The following RYR2 variants were observed in gnomAD, a reference collection of about 807,000 sequenced individuals.
The protein encoded by RYR2 is ryanodine receptor 2, also known as cardiac muscle ryanodine receptor-calcium release channel.
In RYR2, 227 loss-of-function variants were observed where a neutral mutation model predicts 601.1. That is an observed-to-expected ratio of 0.38 (90% CI 0.34 to 0.42). The LOEUF (loss-of-function observed/expected upper bound fraction) is 0.42, where lower values mean the gene tolerates loss of function less well. RYR2 is among the 10% of genes least tolerant of loss of function. The pLI is 1.00. For missense variants in RYR2, 4,646 were observed against 6,156.5 expected (o/e 0.75, Z 8.21); for synonymous variants, 2,223 against 2,175.1 (o/e 1.02, Z -0.61).
At chr1:237,182,164 C>G (rs147686601) in intron 1 of RYR2, among the ~76,000 whole-genome samples, 6,282 of 151,832 alleles carry the variant, frequency 0.041, 423 homozygotes, top group African/African-American at 0.14. Context: ...CTCTATTGCC[C>G]AGGCTGGAGT....
chr1:237,281,689 C>T (rs1039742628), intron 2 of RYR2, among the ~76,000 whole-genome samples: 7 of 152,222 alleles, frequency 4.6e-5, no homozygotes, highest in African/African-American at 1.7e-4. Context: ...CATTGGTAGG[C>T]AGTAAGCTGG....
Position 237,496,655 on chromosome 1 carries a change from A to T in RYR2, c.2106A>T (p.Gly702=), listed in dbSNP as rs774473013. The T allele has an allele frequency of 6.8e-6, 11 of 1,613,966 alleles. No individual in the cohort carries two copies. In the South Asian group the frequency reaches 1.2e-4, roughly 18 times the overall value. The part of the protein sequence containing the change: ...HLRVGWASTE[G]YSPYPGGGEE... ...GAGTGGGCTGGGCTTCCACTGAAGG[A>T]TATTCTCCCTACCCTGGAGGGGGCG... Residue 702 remains glycine, a synonymous_variant, in exon 20 of 105, where the codon GGA becomes GGT. Coordinates refer to ENST00000366574, the MANE Select transcript of RYR2 (RefSeq NM_001035.3).
At chr1:237,546,989 A>ATTTATT (rs142758030) in intron 25 of RYR2, among the ~76,000 whole-genome samples, 6,009 of 132,852 alleles carry the variant, frequency 0.045, 255 homozygotes, top group East Asian at 0.096. Flanking sequence ...ATATATATAT[A>ATTTATT]TATATATTTA....
chr1:237,100,011 G>A (rs779808374), intron 1 of RYR2, among the ~76,000 whole-genome samples: 6 of 152,184 alleles, frequency 3.9e-5, no homozygotes, highest in Non-Finnish European at 8.8e-5. Flanking sequence ...CTCAGCTCCT[G>A]GGGCTAAGGT....
chr1:237,220,191 T>C (rs1683657952), intron 1 of RYR2, among the ~76,000 whole-genome samples: 1 of 152,180 alleles, frequency 6.6e-6, no homozygotes, highest in Non-Finnish European at 1.5e-5. Flanking sequence ...TCAATGTGCA[T>C]GGTGGGCACC....
chr1:237,832,651 C>A lies in RYR2; in HGVS notation c.*4C>A. 6.3e-7 allele frequency: 1 copy of A among 1,592,690 alleles called. No individual in the cohort carries two copies. The highest frequency in any genetic ancestry group is 8.6e-7 in the Non-Finnish European group (1 of 1,162,070). On this transcript the variant is annotated 3_prime_UTR_variant, in exon 105 of 105. Coordinates refer to ENST00000366574, the MANE Select transcript of RYR2 (RefSeq NM_001035.3). ...GTATGAAGACCAGCTAAATTAAACT[C>A]AGACCCAATCACCTCTAAAAACCAA...
At chr1:237,178,282 T>A (rs1678280801) in intron 1 of RYR2, among the ~76,000 whole-genome samples, 5 of 152,348 alleles carry the variant, frequency 3.3e-5, no homozygotes, top group African/African-American at 1.2e-4. Context: ...CTCTAATTTT[T>A]GGCTTGTCTT....
chr1:237,532,325 CATAA>C (rs958424135), intron 25 of RYR2, among the ~76,000 whole-genome samples: 2 of 152,016 alleles, frequency 1.3e-5, no homozygotes, highest in Admixed American at 1.3e-4. Flanking sequence ...TCTTCGTTCA[CATAA>C]ATAATTTTTG....
At chr1:237,045,625 T>A (rs764628687) in intron 1 of RYR2, among the ~76,000 whole-genome samples, 10 of 152,198 alleles carry the variant, frequency 6.6e-5, no homozygotes, top group Non-Finnish European at 1.5e-4. Context: ...AAATAAGCTG[T>A]CAGCTTGTAA....
chr1:237,269,837 C>T (rs775057744), intron 1 of RYR2, among the ~76,000 whole-genome samples: 4 of 152,290 alleles, frequency 2.6e-5, no homozygotes, highest in East Asian at 1.9e-4. Flanking sequence ...TTCTAATTTT[C>T]GTCTTTCCCC....
chr1:237,506,119 CCCATAT>C (rs1479284083), intron 22 of RYR2, among the ~76,000 whole-genome samples: 3 of 151,496 alleles, frequency 2.0e-5, no homozygotes, highest in Non-Finnish European at 4.4e-5. Context: ...TGGTAGTAGC[CCCATAT>C]CCATTAAACA....
intron 24 of RYR2, among the ~76,000 whole-genome samples, chr1:237,523,759 G>A (rs556422098): frequency 6.7e-6 from 1 of 149,698 alleles, no homozygotes; most frequent in East Asian, 2.0e-4. Context: ...GGCAAAAATT[G>A]GCAAAATACT....
intron 100 of RYR2, among the ~76,000 whole-genome samples, chr1:237,809,905 GA>G (rs1032863496): frequency 6.6e-6 from 1 of 152,116 alleles, no homozygotes; most frequent in African/African-American, 2.4e-5. Flanking sequence ...AAGATCTTTT[GA>G]AGTAATGAAA....
At chr1:237,590,206 C>CTTTTTTTTTTTTT (rs11307093) in intron 30 of RYR2, among the ~76,000 whole-genome samples, 1 of 147,608 alleles carries the variant, frequency 6.8e-6, no homozygotes, top group African/African-American at 2.5e-5. Flanking sequence ...GCTTTCAATT[C>CTTTTTTTTTTTTT]TTTTTTTTTT....
chr1:237,596,603 T>C (rs909683349), intron 34 of RYR2, among the ~76,000 whole-genome samples: 1 of 140,032 alleles, frequency 7.1e-6, no homozygotes, highest in African/African-American at 2.4e-5. Context: ...TTTAACAAAA[T>C]AATGACTAAT....
chr1:237,664,182 A>T (rs1040838966), intron 56 of RYR2, among the ~76,000 whole-genome samples: 1 of 152,232 alleles, frequency 6.6e-6, no homozygotes, highest in Non-Finnish European at 1.5e-5. Flanking sequence ...CGGAAGGGGA[A>T]TGGAGATTAG....
chr1:237,584,737 T>C (rs1179935723), intron 29 of RYR2, among the ~76,000 whole-genome samples: 2 of 147,016 alleles, frequency 1.4e-5, no homozygotes, highest in African/African-American at 5.0e-5. Flanking sequence ...CATAGTTCAT[T>C]GCAGTCTTCA....
At chr1:237,818,464 G>C (rs1490874674) in intron 100 of RYR2, among the ~76,000 whole-genome samples, 1 of 152,068 alleles carries the variant, frequency 6.6e-6, no homozygotes, top group Non-Finnish European at 1.5e-5. Flanking sequence ...TGGTGGCTTT[G>C]ACGTTTTAGG....
intron 82 of RYR2, among the ~76,000 whole-genome samples, chr1:237,758,226 A>C (rs1372052864): frequency 6.6e-6 from 1 of 152,224 alleles, no homozygotes; most frequent in East Asian, 1.9e-4. Flanking sequence ...TTACTTAAGA[A>C]GACCCTCATT....
Sources: allele counts gnomAD v4.1 joint callset (sites outside exome capture counted in the v4.1 genomes callset), GRCh38; gene constraint gnomAD v4.1.1; transcripts MANE v1.5; gene names NCBI Gene and HGNC (gene_info 2026-07-23, HGNC 2026-07-21).